Variants in KCNIP1 observed in about 807,000 individuals in gnomAD.
KCNIP1 encodes the protein A-type potassium channel modulatory protein KCNIP1.
In KCNIP1, 18 loss-of-function variants were observed where a neutral mutation model predicts 33.0. The observed-to-expected ratio is 0.55, with a 90% CI of 0.38 to 0.81. The LOEUF (loss-of-function observed/expected upper bound fraction) is 0.81, where lower values mean the gene tolerates loss of function less well. Ranked by LOEUF, KCNIP1 falls within the 30% of genes least tolerant of loss-of-function variation. KCNIP1 has a pLI of 0.00. For missense variants in KCNIP1, 238 were observed against 271.6 expected, an observed-to-expected ratio of 0.88 and a Z score of 0.87; for synonymous variants, 93 against 98.3, an observed-to-expected ratio of 0.95 and a Z score of 0.32.
Position 170,504,416 on chromosome 5 carries a change from A to G in KCNIP1, c.-157A>G. ...TGAAGAAGGAAGCCAGAAGCCTCCT[A>G]GCCTCGCCTCCACGCTTGCTGAATA... On this transcript the variant is annotated 5_prime_UTR_variant, in exon 1 of 8. Transcript: ENST00000328939. This position sits in a 1 kb window ranked among gnomAD's most constrained non-coding sequence, Gnocchi z 6.0. The G allele has an allele frequency of 1.4e-6, 2 of 1,466,512 alleles. No individual in the cohort carries two copies. Among genetic ancestry groups the G allele is most frequent in the Non-Finnish European group, 1.8e-6 (2 of 1,116,268 alleles). 90.8% of individuals were successfully genotyped at this position (1,466,512 alleles called of 1,614,324 possible).
At chr5:170,408,612 CG>C (rs929476681) in intron 1 of KCNIP1, among the ~76,000 whole-genome samples, 14 of 152,268 alleles carry the variant, frequency 9.2e-5, no homozygotes, top group African/African-American at 3.4e-4. Flanking sequence ...CTATCCTTCT[CG>C]GGCGATGAGA....
At chr5:170,588,434 G>T (rs1758076336) in intron 1 of KCNIP1, among the ~76,000 whole-genome samples, 1 of 152,164 alleles carries the variant, frequency 6.6e-6, no homozygotes, top group African/African-American at 2.4e-5. Flanking sequence ...TTCCCTACTG[G>T]ATTATATGTA....
At chr5:170,689,751 T>C (rs1253610911) in intron 1 of KCNIP1, among the ~76,000 whole-genome samples, 2 of 152,120 alleles carry the variant, frequency 1.3e-5, no homozygotes, top group African/African-American at 2.4e-5. Flanking sequence ...GACAAGACAT[T>C]TGTGGCCCTG....
intron 1 of KCNIP1, among the ~76,000 whole-genome samples, chr5:170,381,313 G>T (rs1764229511): frequency 6.6e-6 from 1 of 152,240 alleles, no homozygotes; most frequent in Non-Finnish European, 1.5e-5. Flanking sequence ...AAGCCCTGCA[G>T]TGTAAGGTCC....
At chr5:170,417,318 A>G (rs570561233) in intron 1 of KCNIP1, among the ~76,000 whole-genome samples, 23 of 152,356 alleles carry the variant, frequency 1.5e-4, no homozygotes, top group Admixed American at 1.1e-3. Flanking sequence ...TAATTTTTCT[A>G]CAATGAACAT....
chr5:170,378,865 G>C (rs750048754), intron 1 of KCNIP1: 5 of 1,614,266 alleles, frequency 3.1e-6, no homozygotes, highest in Non-Finnish European at 4.2e-6. Flanking sequence ...TTCCCCCGAG[G>C]TGCGGAGAAG....
chr5:170,643,853 G>T (rs188522791), intron 1 of KCNIP1, among the ~76,000 whole-genome samples: 19 of 152,370 alleles, frequency 1.2e-4, no homozygotes, highest in East Asian at 7.7e-4. Context: ...GCCTTCACCT[G>T]TGTAACGAAT....
chr5:170,523,985 C>G (rs1755474087), intron 1 of KCNIP1, among the ~76,000 whole-genome samples: 1 of 152,166 alleles, frequency 6.6e-6, no homozygotes, highest in Non-Finnish European at 1.5e-5. Flanking sequence ...TGGCTCCTGC[C>G]TGTTCTCCCA....
At chr5:170,533,928 G>A (rs1755875818) in intron 1 of KCNIP1, among the ~76,000 whole-genome samples, 1 of 152,158 alleles carries the variant, frequency 6.6e-6, no homozygotes, top group Non-Finnish European at 1.5e-5. Flanking sequence ...GGTTGACTGG[G>A]CCAGAACCTC....
At chr5:170,435,284 A>T (rs1253685153) in intron 1 of KCNIP1, among the ~76,000 whole-genome samples, 2 of 152,224 alleles carry the variant, frequency 1.3e-5, no homozygotes, top group Non-Finnish European at 2.9e-5. Context: ...AGGCCGGAGA[A>T]GTCCCGGACA....
intron 1 of KCNIP1, among the ~76,000 whole-genome samples, chr5:170,627,155 CT>C: frequency 6.6e-6 from 1 of 152,332 alleles, no homozygotes; most frequent in Admixed American, 6.5e-5. Flanking sequence ...GAGCACTCTG[CT>C]TTTGGGAACA....
At chr5:170,450,639 A>T (rs1756226440) in intron 1 of KCNIP1, among the ~76,000 whole-genome samples, 1 of 152,042 alleles carries the variant, frequency 6.6e-6, no homozygotes, top group South Asian at 2.1e-4. Context: ...AACCCCTTGT[A>T]GCTCTCACAT....
At chr5:170,654,451 C>T (rs540923591) in intron 1 of KCNIP1, among the ~76,000 whole-genome samples, 23 of 152,256 alleles carry the variant, frequency 1.5e-4, no homozygotes, top group African/African-American at 5.3e-4. Context: ...TACTGTAATG[C>T]TGGGTATCCA....
chr5:170,531,477 C>T (rs1393708125), intron 1 of KCNIP1, among the ~76,000 whole-genome samples: 1 of 152,184 alleles, frequency 6.6e-6, no homozygotes, highest in Non-Finnish European at 1.5e-5. Context: ...GAAGTGCCTA[C>T]TTCAATTGCA....
At chr5:170,694,179 A>C (rs1209373476) in intron 1 of KCNIP1, among the ~76,000 whole-genome samples, 3 of 152,248 alleles carry the variant, frequency 2.0e-5, no homozygotes, top group Non-Finnish European at 4.4e-5. Context: ...CTAATCTATA[A>C]GAAAGATGAC....
chr5:170,677,367 G>T (rs1382748211), intron 1 of KCNIP1, among the ~76,000 whole-genome samples: 4 of 152,140 alleles, frequency 2.6e-5, no homozygotes, highest in Non-Finnish European at 5.9e-5. Context: ...GGGTATCAGG[G>T]ACTGTGCTGA....
At chr5:170,423,878 G>A (rs564833510) in intron 1 of KCNIP1, among the ~76,000 whole-genome samples, 3 of 152,218 alleles carry the variant, frequency 2.0e-5, no homozygotes, top group Non-Finnish European at 4.4e-5. Context: ...GCTTTCAGTA[G>A]CTGGAAGCTA....
chr5:170,733,948 C>A, intron 7 of KCNIP1, 50 bp downstream of exon 7: 1 of 1,485,704 alleles, frequency 6.7e-7, no homozygotes, highest in East Asian at 2.3e-5. Context: ...GAAAGGAAAC[C>A]TGGGGCCTGG....
intron 1 of KCNIP1, among the ~76,000 whole-genome samples, chr5:170,514,244 A>C (rs1755042542): frequency 6.6e-6 from 1 of 152,212 alleles, no homozygotes. Flanking sequence ...GGTGGAGACC[A>C]TGAAGCTCCC....
Sources: gnomAD v4.1 joint callset for allele counts (sites outside exome capture counted in the v4.1 genomes callset) on GRCh38, gnomAD v4.1.1 for gene constraint, Gnocchi (gnomAD v3.1) non-coding constraint, MANE v1.5 for transcripts, NCBI Gene and HGNC (gene_info 2026-07-23, HGNC 2026-07-21) for gene names.